The following PREX2 variants were observed in gnomAD, a reference collection of about 807,000 sequenced individuals.
PREX2 encodes the protein phosphatidylinositol 3,4,5-trisphosphate-dependent Rac exchanger 2 protein.
PREX2 carries 107 observed loss-of-function variants against 203.2 expected under a neutral mutation model. The observed-to-expected ratio is 0.53, with a 90% CI of 0.45 to 0.62. The LOEUF is 0.62. PREX2 is among the 20% of genes least tolerant of loss of function. PREX2 has a pLI of 0.00. For missense variants in PREX2, 1,777 were observed against 1,955.9 expected (o/e 0.91, Z 1.72); for synonymous variants, 672 against 663.6 (o/e 1.01, Z -0.19).
intron 33 of PREX2, among the ~76,000 whole-genome samples, chr8:68,141,215 G>C (rs1224492024): frequency 6.6e-6 from 1 of 152,176 alleles, no homozygotes; most frequent in Admixed American, 6.5e-5. Context: ...TTATTTTGTG[G>C]AAAATCTGCA....
At chr8:68,047,374 G>A (rs1008203830) in intron 8 of PREX2, among the ~76,000 whole-genome samples, 2 of 150,748 alleles carry the variant, frequency 1.3e-5, no homozygotes, top group African/African-American at 4.9e-5. Flanking sequence ...AGTTAAATGA[G>A]GGATAAACAG....
intron 35 of PREX2, chr8:68,176,748 T>C (rs1364929190): frequency 6.6e-6 from 1 of 152,130 alleles, no homozygotes; most frequent in Non-Finnish European, 1.5e-5. Flanking sequence ...AGCAACTTAT[T>C]CAGAGAACAA....
At chr8:68,161,753 A>G (rs550402669) in intron 35 of PREX2, among the ~76,000 whole-genome samples, 41 of 152,024 alleles carry the variant, frequency 2.7e-4, no homozygotes, top group African/African-American at 9.2e-4. Context: ...TTTTCTTTAT[A>G]TGTTCTGTAT....
intron 10 of PREX2, among the ~76,000 whole-genome samples, chr8:68,057,304 A>G (rs1012111629): frequency 6.6e-6 from 1 of 152,146 alleles, no homozygotes; most frequent in Non-Finnish European, 1.5e-5. Context: ...TGCATCAATT[A>G]AACTTCTTTT....
chr8:68,135,150 T>C (rs1162058502), intron 32 of PREX2, among the ~76,000 whole-genome samples: 1 of 140,662 alleles, frequency 7.1e-6, no homozygotes, highest in East Asian at 2.0e-4. Flanking sequence ...GGAAGCCTAC[T>C]TTTTAACACA....
chr8:67,969,043 G>A (rs184867406), intron 1 of PREX2, among the ~76,000 whole-genome samples: 6 of 152,272 alleles, frequency 3.9e-5, no homozygotes, highest in African/African-American at 7.2e-5. Flanking sequence ...TCTGCTCAGC[G>A]TCTTAATGCT....
intron 11 of PREX2, among the ~76,000 whole-genome samples, chr8:68,064,456 C>T (rs1351400807): frequency 6.6e-6 from 1 of 152,060 alleles, no homozygotes; most frequent in East Asian, 1.9e-4. Context: ...GTAGCTTCAA[C>T]CTCCTGGGCT....
chr8:68,087,357 T>A (rs987008107), intron 18 of PREX2, among the ~76,000 whole-genome samples: 1 of 152,076 alleles, frequency 6.6e-6, no homozygotes, highest in African/African-American at 2.4e-5. Flanking sequence ...CCTGTGTTTA[T>A]GAAAAAAATA....
At chr8:68,046,060 C>A (rs959256547) in intron 8 of PREX2, among the ~76,000 whole-genome samples, 4 of 152,048 alleles carry the variant, frequency 2.6e-5, no homozygotes, top group Non-Finnish European at 4.4e-5. Context: ...CTACTCTGTT[C>A]TTTATTGGAC....
Position 67,952,257 on chromosome 8 carries a change from T to A in PREX2, c.-138T>A. On this transcript the variant is annotated 5_prime_UTR_variant, in exon 1 of 40. It removes an upstream start codon present in the reference 5' UTR. Coordinates refer to ENST00000288368, the MANE Select transcript of PREX2 (RefSeq NM_024870.4). ...CCCTGCGCCCAGCCTCTCCCCAGCA[T>A]GTAAAGTCTTCTGTCTCTCCTCGGA... The A allele has an allele frequency of 1.5e-6, 1 of 659,552 alleles. No homozygotes were observed. Among genetic ancestry groups the A allele is most frequent in the Non-Finnish European group, 2.2e-6 (1 of 461,818 alleles). The allele number at this position is 659,552 out of a possible 1,614,324, so 40.9% of individuals were successfully genotyped here.
At position 68,038,231 on chromosome 8, in the gene PREX2, A is replaced by G. The variant is rs1808093007; in HGVS notation, c.778A>G (p.Ile260Val). Reference sequence around the variant, plus strand: ...CTTACTGAAAATTTCTTCTGGAAATATTCAAGAACGGGTGTTTTTTCTTTT... The same window carrying G: ...CTTACTGAAAATTTCTTCTGGAAATGTTCAAGAACGGGTGTTTTTTCTTTT... Reference protein sequence around the residue: ...GVLLKISSGNIQERVFFLFDN... With the variant: ...GVLLKISSGNVQERVFFLFDN... Residue 260 changes from isoleucine (I) to valine (V), a missense_variant, in exon 7 of 40, where the codon ATT (isoleucine) becomes GTT (valine). Transcript: ENST00000288368. 1.2e-6 allele frequency: 2 copies of G among 1,613,372 alleles called. No individual in the cohort carries two copies. The highest frequency in any genetic ancestry group is 2.2e-5 in the South Asian group (2 of 91,070).
In PREX2 at chr8:68,090,705, G is replaced by A. The variant is rs1809844879; in HGVS notation, c.2240G>A (p.Arg747Gln). The A allele has an allele frequency of 6.2e-7, 1 of 1,613,038 alleles. No individual in the cohort carries two copies. Among genetic ancestry groups the A allele is most frequent in the South Asian group, 1.1e-5 (1 of 91,000 alleles). Residue 747 changes from arginine to glutamine, a missense_variant, in exon 20 of 40, where the codon CGG becomes CAG. Coordinates refer to ENST00000288368, the MANE Select transcript of PREX2 (RefSeq NM_024870.4). ...GTTACAGCCTGCAGGAAGTACAGGCGGCCAACGAAGGTAAGTGGCCCTTCA... is the reference window on the plus strand; with the variant it reads ...GTTACAGCCTGCAGGAAGTACAGGCAGCCAACGAAGGTAAGTGGCCCTTCA... ...AHVTACRKYRRPTKQDSIQWV... is the reference protein window; with the variant it reads ...AHVTACRKYRQPTKQDSIQWV...
intron 37 of PREX2, among the ~76,000 whole-genome samples, chr8:68,202,148 C>T (rs774621293): frequency 6.6e-6 from 1 of 152,136 alleles, no homozygotes; most frequent in Admixed American, 6.5e-5. Context: ...GATCCACCCA[C>T]CTCGGCCTCC....
At chr8:68,115,148 C>T (rs1427874386) in intron 25 of PREX2, among the ~76,000 whole-genome samples, 2 of 151,418 alleles carry the variant, frequency 1.3e-5, no homozygotes, top group African/African-American at 4.9e-5. Flanking sequence ...CTGCCTTAGC[C>T]TCCTGAGTAG....
intron 11 of PREX2, among the ~76,000 whole-genome samples, chr8:68,066,536 G>A (rs189267305): frequency 2.0e-5 from 3 of 151,996 alleles, no homozygotes; most frequent in Admixed American, 6.5e-5. Flanking sequence ...TATTTATTTA[G>A]GTTCTTCACC....
chr8:67,996,721 T>C (rs1221949926), intron 1 of PREX2, among the ~76,000 whole-genome samples: 1 of 152,218 alleles, frequency 6.6e-6, no homozygotes, highest in Non-Finnish European at 1.5e-5. Flanking sequence ...TCTCCCAAGA[T>C]CATGATATAA....
rs746821912 is a variant in PREX2, at chr8:68,105,304, G to A, written c.2716-2805G>A. ...ATATCCCAGGATGGAAGACAGCACTGCATTCCTGAGGACCTTCCTTCTCAA... is the reference window on the plus strand; with the variant it reads ...ATATCCCAGGATGGAAGACAGCACTACATTCCTGAGGACCTTCCTTCTCAA... On this transcript the variant is annotated intron_variant, in intron 23 of 39. Coordinates refer to ENST00000288368, the MANE Select transcript of PREX2 (RefSeq NM_024870.4). The A allele has an allele frequency of 2.2e-6, 3 of 1,367,688 alleles. No homozygotes were observed. The Admixed American group carries it at 5.7e-5, about 26-fold the overall frequency. 84.7% of individuals were successfully genotyped at this position (1,367,688 alleles called of 1,614,324 possible).
At chr8:68,226,320 A>C (rs531093265) in intron 39 of PREX2, among the ~76,000 whole-genome samples, 2 of 152,316 alleles carry the variant, frequency 1.3e-5, no homozygotes, top group East Asian at 3.9e-4. Flanking sequence ...TGAAGAAGGC[A>C]TAATTACAAG....
chr8:68,154,370 G>A (rs1811500111), intron 34 of PREX2, among the ~76,000 whole-genome samples: 1 of 152,170 alleles, frequency 6.6e-6, no homozygotes, highest in Non-Finnish European at 1.5e-5. Context: ...ACCATAATTA[G>A]TAGGTACTTT....
Sources: gnomAD v4.1 joint callset for allele counts (sites outside exome capture counted in the v4.1 genomes callset) on GRCh38, gnomAD v4.1.1 for gene constraint, MANE v1.5 for transcripts, NCBI Gene and HGNC (gene_info 2026-07-23, HGNC 2026-07-21) for gene names.